The following PREPL variants were observed in gnomAD, a reference collection of about 807,000 sequenced individuals.
PREPL encodes the protein prolyl endopeptidase-like.
Under a neutral mutation model 70.6 loss-of-function variants are expected in PREPL, and 77 were observed. That is an observed-to-expected ratio of 1.09 (90% CI 0.91 to 1.32). The LOEUF (loss-of-function observed/expected upper bound fraction) is 1.32. Ranked by LOEUF, PREPL falls within the 40% of genes most tolerant of loss-of-function variation. The pLI, the probability that PREPL is intolerant of heterozygous loss-of-function variation, is 0.00. For missense variants in PREPL, 1,002 were observed against 778.2 expected, an observed-to-expected ratio of 1.29 and a Z score of -3.42; for synonymous variants, 315 against 264.8, an observed-to-expected ratio of 1.19 and a Z score of -1.84.
chr2:44,342,690 G>T, intron 4 of PREPL, 138 bp from the exon 5 acceptor site: 1 of 693,818 alleles, frequency 1.4e-6, no homozygotes, highest in Non-Finnish European at 2.3e-6. Flanking sequence ...ATATTTGACT[G>T]TATCTAATCT....
chr2:44,321,619 T>A, intron 13 of PREPL, 174 bp from the exon 14 acceptor site: 17 of 1,480,496 alleles, frequency 1.1e-5, no homozygotes, highest in Non-Finnish European at 1.5e-5. Context: ...ATTAAATTAT[T>A]TTCTTTAACA....
chr2:44,353,360 G>C (rs1676655571), intron 1 of PREPL, among the ~76,000 whole-genome samples: 1 of 152,070 alleles, frequency 6.6e-6, no homozygotes, highest in Non-Finnish European at 1.5e-5. Context: ...AAGTTGGGCA[G>C]ATCACCCTGA....
Position 44,317,904 on chromosome 2 carries a change from G to A in PREPL, c.*3452C>T. 1 of 228,858 alleles carries A rather than the reference G, an allele frequency of 4.4e-6. No homozygotes were observed. Among genetic ancestry groups the A allele is most frequent in the South Asian group, 4.3e-5 (1 of 23,096 alleles). 14.2% of individuals were successfully genotyped at this position (228,858 alleles called of 1,614,324 possible). A position where few individuals can be genotyped will look rare whatever the true frequency, so the allele number is the denominator to read the frequency against. On this transcript the variant is annotated 3_prime_UTR_variant, in exon 14 of 14. Coordinates refer to ENST00000409411, the MANE Select transcript of PREPL (RefSeq NM_001171613.2). ...TAAAACCACTCAGATAACAAAAACAGACATAAGAAACACTAACATAAAACA... is the reference window on the plus strand; with the variant it reads ...TAAAACCACTCAGATAACAAAAACAAACATAAGAAACACTAACATAAAACA...
chr2:44,360,614 G>A (rs78124915), intron 1 of PREPL: 150 of 152,328 alleles, frequency 9.8e-4, no homozygotes, highest in African/African-American at 3.6e-3. Context: ...AAGAGTCAGA[G>A]AGACCTGGGT....
In PREPL at chr2:44,343,765, A is replaced by G. The variant is rs777176046; in HGVS notation, c.329T>C (p.Phe110Ser). The G allele has an allele frequency of 6.4e-5, 103 of 1,613,860 alleles. No individual in the cohort carries two copies. Among genetic ancestry groups the G allele is most frequent in the Non-Finnish European group, 8.2e-5 (97 of 1,179,744 alleles). The part of the protein sequence containing the change: ...LSDQPVMEAS[F>S]PNVSSFEWVK... ...CTTACCAAAACTGGACACATTCGGG[A>G]AAGAAGCTTCCATTACGGGCTGATC... The change falls in exon 4 of 14, where the codon TTC becomes TCC. Residue 110 changes from phenylalanine (F) to serine (S), a missense_variant. Coordinates refer to ENST00000409411, the MANE Select transcript of PREPL (RefSeq NM_001171613.2).
Position 44,320,471 on chromosome 2 carries a change from C to T in PREPL, c.*885G>A, listed in dbSNP as rs767759640. The T allele has an allele frequency of 3.1e-6, 5 of 1,614,120 alleles. No homozygotes were observed. Among genetic ancestry groups the T allele is most frequent in the Non-Finnish European group, 2.5e-6 (3 of 1,179,974 alleles). On this transcript the variant is annotated 3_prime_UTR_variant, in exon 14 of 14. Transcript: ENST00000409411. ...TAAGTACCAATTCTGCCGACAAAGG[C>T]AGTAAAGTTGATACAAGTGGCATTT...
intron 5 of PREPL, among the ~76,000 whole-genome samples, chr2:44,341,384 T>A (rs908900775): frequency 5.3e-5 from 8 of 152,162 alleles, no homozygotes; most frequent in African/African-American, 1.9e-4. Flanking sequence ...TCTATCAATT[T>A]GTATTATTTT....
Position 44,339,315 on chromosome 2 carries a change from T to C in PREPL, c.534A>G (p.Ile178Met). 6.2e-7 allele frequency: 1 copy of C among 1,613,998 alleles called. No homozygotes were observed. The highest frequency in any genetic ancestry group is 8.5e-7 in the Non-Finnish European group (1 of 1,179,970). Residue 178 changes from isoleucine to methionine, a missense_variant, in exon 6 of 14, where the codon ATA becomes ATG. Physicochemically the swap from Ile to Met is conservative, Grantham distance 10. Transcript: ENST00000409411. ...CAGAAGTAGTCTTGTTCATAATATT[T>C]ATGGTGAGGAAACGACTGTCTTTTG... The part of the protein sequence containing the change: ...YLTKDSRFLT[I>M]NIMNKTTSEV...
chr2:44,338,480 T>C lies in PREPL; in HGVS notation c.759A>G (p.Thr253=), dbSNP rs1424550193. 6.2e-7 allele frequency: 1 copy of C among 1,612,532 alleles called. No homozygotes were observed. The highest frequency in any genetic ancestry group is 8.5e-7 in the Non-Finnish European group (1 of 1,179,574). Residue 253 remains threonine (T), a synonymous_variant, in exon 7 of 14, where the codon ACA becomes ACG. Coordinates refer to ENST00000409411, the MANE Select transcript of PREPL (RefSeq NM_001171613.2). ...CTATCACTTTTGTATTTCTCTTCAT[T>C]GTAAAAAATAAATCCCAATTCATAA... ...PAIMNWDLFF[T]MKRNTKVIDL...
At chr2:44,352,174 T>G (rs1200784046) in intron 1 of PREPL, among the ~76,000 whole-genome samples, 3 of 152,212 alleles carry the variant, frequency 2.0e-5, no homozygotes, top group East Asian at 3.8e-4. Flanking sequence ...ATCCCCACAC[T>G]GCCTATTCAC....
chr2:44,320,073 T>A lies in PREPL; in HGVS notation c.*1283A>T. ...TACCTACTTATTGATGCTTACAATTTGGCAATTATAAGGGGCAAAATTGGA... is the reference window on the plus strand; with the variant it reads ...TACCTACTTATTGATGCTTACAATTAGGCAATTATAAGGGGCAAAATTGGA... On this transcript the variant is annotated 3_prime_UTR_variant, in exon 14 of 14. Coordinates refer to ENST00000409411, the MANE Select transcript of PREPL (RefSeq NM_001171613.2). 2.8e-6 allele frequency: 2 copies of A among 703,054 alleles called. No homozygotes were observed. Among genetic ancestry groups the A allele is most frequent in the South Asian group, 3.6e-5 (2 of 55,002 alleles). 43.6% of individuals were successfully genotyped at this position (703,054 alleles called of 1,614,324 possible). A position where few individuals can be genotyped will look rare whatever the true frequency, so the allele number is the denominator to read the frequency against.
Position 44,322,750 on chromosome 2 carries a change from A to G in PREPL, c.1734T>C (p.His578=), listed in dbSNP as rs1407894006. 1 of 1,613,768 alleles carries G rather than the reference A, an allele frequency of 6.2e-7. No homozygotes were observed. The highest frequency in any genetic ancestry group is 1.3e-5 in the African/African-American group (1 of 75,002). ...TEKLKEAIAE[H]AKDTGEGYQT... is the part of the protein sequence containing the mutation. ...TCCTACCTTCACCTGTGTCCTTAGC[A>G]TGCTCCGCGATGGCTTCCTTGAGTT... is the stretch of plus-strand genomic sequence containing the variant. Residue 578 remains histidine, a synonymous_variant, in exon 12 of 14, where the codon CAT becomes CAC. Coordinates refer to ENST00000409411, the MANE Select transcript of PREPL (RefSeq NM_001171613.2).
intron 3 of PREPL, 24 bp from the exon 4 acceptor site, chr2:44,343,975 T>C (rs1675503975): frequency 6.2e-7 from 1 of 1,606,240 alleles, no homozygotes; most frequent in South Asian, 1.1e-5. Flanking sequence ...AATACGAAAG[T>C]GATAACTTCA....
At chr2:44,360,029 A>T in intron 1 of PREPL, 1 of 248,952 alleles carries the variant, frequency 4.0e-6, no homozygotes, top group Non-Finnish European at 7.7e-6. Context: ...TGGCACACAT[A>T]GGGGTTAAAC....
At chr2:44,325,370 G>A (rs1056159119) in intron 10 of PREPL, among the ~76,000 whole-genome samples, 10 of 152,210 alleles carry the variant, frequency 6.6e-5, no homozygotes, top group African/African-American at 2.4e-5. Flanking sequence ...TGGCAGTGGC[G>A]GCAGTAATAG....
chr2:44,358,974 G>A (rs1340616313), intron 1 of PREPL, among the ~76,000 whole-genome samples: 4 of 151,840 alleles, frequency 2.6e-5, no homozygotes, highest in Admixed American at 2.6e-4. Flanking sequence ...GAAATGCACT[G>A]GCAGGCATAC....
chr2:44,327,059 G>A, intron 9 of PREPL, 131 bp from the exon 10 acceptor site: 2 of 740,246 alleles, frequency 2.7e-6, no homozygotes, highest in Non-Finnish European at 4.5e-6. Context: ...GCTTTTTAAA[G>A]GTTGAGTGAA....
Position 44,323,225 on chromosome 2 carries a change from A to G in PREPL, c.1629+37T>C, listed in dbSNP as rs1277199635. The stretch of plus-strand genomic sequence containing the variant: ...GTTTTTTTTTTATTATCTTCTGTGT[A>G]AATTCAGGATAATCTAACACAATTG... On this transcript the variant is annotated intron_variant, in intron 11 of 13. Transcript: ENST00000409411. 7 of 1,525,378 alleles carry G rather than the reference A, an allele frequency of 4.6e-6. No individual in the cohort carries two copies. In the South Asian group the frequency reaches 8.9e-5, roughly 19 times the overall value. 94.5% of individuals were successfully genotyped at this position (1,525,378 alleles called of 1,614,324 possible).
Position 44,338,404 on chromosome 2 carries a change from G to T in PREPL, c.835C>A (p.Leu279Ile), listed in dbSNP as rs138974483. 4 of 1,613,582 alleles carry T rather than the reference G, an allele frequency of 2.5e-6. No homozygotes were observed. Among genetic ancestry groups the T allele is most frequent in the Non-Finnish European group, 2.5e-6 (3 of 1,179,872 alleles). The stretch of plus-strand genomic sequence containing the variant: ...AGACCAATCACATTAACATAAAGGA[G>T]ATTGCTGTGCTTCAGAAATAGAACA... The part of the protein sequence containing the change: ...HCVLFLKHSN[L>I]LYVNVIGLAD... Residue 279 changes from leucine (L) to isoleucine (I), a missense_variant, in exon 7 of 14, where the codon CTC becomes ATC. Coordinates refer to ENST00000409411, the MANE Select transcript of PREPL (RefSeq NM_001171613.2).
Sources: gnomAD v4.1 joint callset for allele counts (sites outside exome capture counted in the v4.1 genomes callset) on GRCh38, gnomAD v4.1.1 for gene constraint, MANE v1.5 for transcripts, NCBI Gene and HGNC (gene_info 2026-07-23, HGNC 2026-07-21) for gene names.